The following KBTBD11 variants were observed in gnomAD, a reference collection of about 807,000 sequenced individuals.
KBTBD11 encodes kelch repeat and BTB domain containing 11, also known as kelch repeat and BTB domain-containing protein 11.
For missense variants in KBTBD11, 1,390 were observed against 1,001.8 expected (o/e 1.39, Z -5.23); for synonymous variants, 747 against 499.0 (o/e 1.50, Z -6.63).
intron 1 of KBTBD11, among the ~76,000 whole-genome samples, chr8:1,987,276 G>A (rs577584685): frequency 1.4e-4 from 21 of 152,206 alleles, no homozygotes; most frequent in East Asian, 7.7e-4. Context: ...CAAAGCTTCC[G>A]AAATTCAAAA....
Position 1,987,007 on chromosome 8 carries a change from C to CAAAAA in KBTBD11, c.-909+13094_-909+13098dup, listed in dbSNP as rs59934216. 2.3e-4 allele frequency among the ~76,000 whole-genome samples: 14 copies of CAAAAA among 62,034 alleles called. 2 individuals carry two copies. Among genetic ancestry groups the CAAAAA allele is most frequent in the African/African-American group, 1.3e-3 (14 of 10,546 alleles). 40.7% of individuals were successfully genotyped at this position (62,034 alleles called of 152,430 possible). On this transcript the variant is annotated intron_variant, in intron 1 of 1. Coordinates refer to ENST00000320248, the MANE Select transcript of KBTBD11 (RefSeq NM_014867.3). ...GCAACATAGTGAGACCCTATCTCTC[C>CAAAAA]AAAAAAAAAAAAAAAAAAAAAAAAA...
chr8:1,991,717 C>T (rs1035541739), intron 1 of KBTBD11, among the ~76,000 whole-genome samples: 2 of 152,014 alleles, frequency 1.3e-5, no homozygotes, highest in Admixed American at 6.5e-5. Flanking sequence ...TCCTGCACTG[C>T]CCTGAGGGAA....
chr8:2,003,206 G>C lies in KBTBD11; in HGVS notation c.*142G>C. ...GACACTTCGAAGGAGCCCCGAGGAC[G>C]CTCTCAGGGCCGCTTTCGCTTTGCT... is the stretch of plus-strand genomic sequence containing the variant. On this transcript the variant is annotated 3_prime_UTR_variant, in exon 2 of 2. Transcript: ENST00000320248. 8.4e-7 allele frequency: 1 copy of C among 1,192,834 alleles called. No homozygotes were observed. Among genetic ancestry groups the C allele is most frequent in the Non-Finnish European group, 1.1e-6 (1 of 940,408 alleles). 73.9% of individuals were successfully genotyped at this position (1,192,834 alleles called of 1,614,324 possible). A position where few individuals can be genotyped will look rare whatever the true frequency, so the allele number is the denominator to read the frequency against.
Position 2,000,978 on chromosome 8 carries a change from C to T in KBTBD11, c.-215C>T. 1 of 517,012 alleles carries T rather than the reference C, an allele frequency of 1.9e-6. No homozygotes were observed. The highest frequency in any genetic ancestry group is 3.0e-6 in the Non-Finnish European group (1 of 335,560). 32.0% of individuals were successfully genotyped at this position (517,012 alleles called of 1,614,324 possible). ...AGCAAGTCGGACACACCCCTCCTCG[C>T]TGGAGAGGAGAGGGCAAAGGCGAGG... On this transcript the variant is annotated 5_prime_UTR_variant, in exon 2 of 2. Transcript: ENST00000320248.
In KBTBD11 at chr8:2,002,327, T is replaced by C; in HGVS notation, c.1135T>C (p.Ser379Pro). 1.4e-6 allele frequency: 2 copies of C among 1,389,146 alleles called. No homozygotes were observed. The highest frequency in any genetic ancestry group is 3.1e-5 in the Admixed American group (1 of 32,566). 86.1% of individuals were successfully genotyped at this position (1,389,146 alleles called of 1,614,324 possible). ...GGGCCCCGACGGCCGCGCGCGCCCGTCCGACCAGGTCTTCTGCTACAACCC... is the reference window on the plus strand; with the variant it reads ...GGGCCCCGACGGCCGCGCGCGCCCGCCCGACCAGGTCTTCTGCTACAACCC... ...PAGPDGRARP[S>P]DQVFCYNPAT... Residue 379 changes from serine to proline, a missense_variant, in exon 2 of 2, where the codon TCC becomes CCC. Ser to Pro is a moderately conservative substitution (Grantham distance 74). Coordinates refer to ENST00000320248, the MANE Select transcript of KBTBD11 (RefSeq NM_014867.3). The surrounding 1 kb of genome is among the most constrained non-coding windows in gnomAD (Gnocchi z 4.1).
intron 1 of KBTBD11, among the ~76,000 whole-genome samples, chr8:1,981,621 C>G (rs1218970467): frequency 6.6e-6 from 1 of 152,126 alleles, no homozygotes; most frequent in Non-Finnish European, 1.5e-5. Context: ...GAAGATTTGC[C>G]CTCAGTACCG....
Position 2,001,686 on chromosome 8 carries a change from T to G in KBTBD11, c.494T>G (p.Phe165Cys). ...KAVLAARSDYFRARASRDVLR... is the reference protein window; with the variant it reads ...KAVLAARSDYCRARASRDVLR... Reference sequence around the variant, plus strand: ...GTGCTGGCGGCGCGCAGCGACTACTTCCGCGCGCGCGCGTCGCGGGACGTG... The same window carrying G: ...GTGCTGGCGGCGCGCAGCGACTACTGCCGCGCGCGCGCGTCGCGGGACGTG... The change falls in exon 2 of 2, where the codon TTC becomes TGC. Residue 165 changes from phenylalanine (F) to cysteine (C), a missense_variant. Coordinates refer to ENST00000320248, the MANE Select transcript of KBTBD11 (RefSeq NM_014867.3). The G allele has an allele frequency of 6.9e-7, 1 of 1,442,694 alleles. No individual in the cohort carries two copies. The highest frequency in any genetic ancestry group is 9.1e-7 in the Non-Finnish European group (1 of 1,103,234). The allele number at this position is 1,442,694 out of a possible 1,614,324, so 89.4% of individuals were successfully genotyped here.
At chr8:1,987,390 C>G (rs1563367404) in intron 1 of KBTBD11, among the ~76,000 whole-genome samples, 1 of 152,138 alleles carries the variant, frequency 6.6e-6, no homozygotes, top group Non-Finnish European at 1.5e-5. Context: ...CTCAATCAAT[C>G]CTTTTTTGTA....
chr8:1,988,680 C>T (rs1816778921), intron 1 of KBTBD11, among the ~76,000 whole-genome samples: 2 of 152,142 alleles, frequency 1.3e-5, no homozygotes, highest in Admixed American at 1.3e-4. Context: ...TTCCTGAATC[C>T]ATTCAAACGT....
In KBTBD11 at chr8:2,001,926, G is replaced by T. The variant is rs565479671; in HGVS notation, c.734G>T (p.Arg245Leu). The T allele has an allele frequency of 3.8e-4, 563 of 1,463,788 alleles. 11 individuals are homozygous for T. The South Asian group carries it at 6.5e-3, about 17-fold the overall frequency. The allele number at this position is 1,463,788 out of a possible 1,614,324, so 90.7% of individuals were successfully genotyped here. A position where few individuals can be genotyped will look rare whatever the true frequency, so the allele number is the denominator to read the frequency against. The change falls in exon 2 of 2, where the codon CGG (arginine) becomes CTG (leucine). Residue 245 changes from arginine to leucine, a missense_variant. Physicochemically the swap from Arg to Leu is moderately radical, Grantham distance 102. Coordinates refer to ENST00000320248, the MANE Select transcript of KBTBD11 (RefSeq NM_014867.3). Reference protein sequence around the residue: ...NCYEVLSAAKRQRLNELRDAA... With the variant: ...NCYEVLSAAKLQRLNELRDAA... The stretch of plus-strand genomic sequence containing the variant: ...TACGAGGTCCTGAGCGCGGCCAAGC[G>T]GCAGCGGCTGAACGAGCTGCGCGAC...
At chr8:1,996,762 C>A (rs1267790561) in intron 1 of KBTBD11, among the ~76,000 whole-genome samples, 2 of 151,994 alleles carry the variant, frequency 1.3e-5, no homozygotes, top group Non-Finnish European at 2.9e-5. Context: ...TATATAATGT[C>A]CACATTGGGA....
intron 1 of KBTBD11, among the ~76,000 whole-genome samples, chr8:1,991,454 C>G (rs533962681): frequency 1.3e-5 from 2 of 152,246 alleles, no homozygotes; most frequent in Non-Finnish European, 2.9e-5. Flanking sequence ...GTCTCACTCT[C>G]CTGTCCTCTT....
At chr8:1,989,491 A>G (rs929841667) in intron 1 of KBTBD11, among the ~76,000 whole-genome samples, 1 of 152,188 alleles carries the variant, frequency 6.6e-6, no homozygotes, top group African/African-American at 2.4e-5. Context: ...ACTTTCAAGT[A>G]TGGTCCATGC....
Position 2,003,184 on chromosome 8 carries a change from A to T in KBTBD11, c.*120A>T. On this transcript the variant is annotated 3_prime_UTR_variant, in exon 2 of 2. Coordinates refer to ENST00000320248, the MANE Select transcript of KBTBD11 (RefSeq NM_014867.3). ...CGCTGGCCACGCTGGTGGTTTGGAC[A>T]CTTCGAAGGAGCCCCGAGGACGCTC... 1 of 1,236,568 alleles carries T rather than the reference A, an allele frequency of 8.1e-7. No homozygotes were observed. Among genetic ancestry groups the T allele is most frequent in the East Asian group, 3.2e-5 (1 of 31,402 alleles). 76.6% of individuals were successfully genotyped at this position (1,236,568 alleles called of 1,614,324 possible).
At chr8:1,986,549 GTTTT>G (rs1816711413) in intron 1 of KBTBD11, among the ~76,000 whole-genome samples, 1 of 152,094 alleles carries the variant, frequency 6.6e-6, no homozygotes, top group Non-Finnish European at 1.5e-5. Flanking sequence ...CAAAACACGA[GTTTT>G]TATTTAGATT....
chr8:1,980,049 T>A (rs1019532499), intron 1 of KBTBD11, among the ~76,000 whole-genome samples: 2 of 152,210 alleles, frequency 1.3e-5, no homozygotes, highest in African/African-American at 4.8e-5. Flanking sequence ...TCTGTACAAT[T>A]ACCTGAAAGT....
At chr8:1,974,207 G>A (rs1816235674) in intron 1 of KBTBD11, 1 of 842,040 alleles carries the variant, frequency 1.2e-6, no homozygotes, top group South Asian at 5.4e-5. Flanking sequence ...GGTGGTCTCC[G>A]CTCCGCCTCC....
chr8:2,001,582 C>T lies in KBTBD11; in HGVS notation c.390C>T (p.Pro130=). 1.4e-6 allele frequency: 2 copies of T among 1,452,620 alleles called. No homozygotes were observed. The highest frequency in any genetic ancestry group is 1.8e-6 in the Non-Finnish European group (2 of 1,108,338). 90.0% of individuals were successfully genotyped at this position (1,452,620 alleles called of 1,614,324 possible). A position where few individuals can be genotyped will look rare whatever the true frequency, so the allele number is the denominator to read the frequency against. Residue 130 remains proline (P), a synonymous_variant, in exon 2 of 2, where the codon CCC becomes CCT. Transcript: ENST00000320248. ...PEEPGEPAPV[P]PGFGAVYGEP... is the part of the protein sequence containing the mutation. The stretch of plus-strand genomic sequence containing the variant: ...AGCCCGGGGAGCCCGCGCCCGTACC[C>T]CCGGGGTTCGGGGCGGTGTACGGGG...
At position 2,003,331 on chromosome 8, in the gene KBTBD11, A is replaced by T; in HGVS notation, c.*267A>T. ...GACAGGACACAGAGAAGGCTGTGGGATCCAAAGGGTCAGCCTCAGGGTACA... is the reference window on the plus strand; with the variant it reads ...GACAGGACACAGAGAAGGCTGTGGGTTCCAAAGGGTCAGCCTCAGGGTACA... On this transcript the variant is annotated 3_prime_UTR_variant, in exon 2 of 2. Transcript: ENST00000320248. 2.5e-6 allele frequency: 1 copy of T among 393,498 alleles called. No individual in the cohort carries two copies. The highest frequency in any genetic ancestry group is 5.0e-5 in the Admixed American group (1 of 19,984). The allele number at this position is 393,498 out of a possible 1,614,324, so 24.4% of individuals were successfully genotyped here.
Sources: allele counts gnomAD v4.1 joint callset (sites outside exome capture counted in the v4.1 genomes callset), GRCh38; gene constraint gnomAD v4.1.1; non-coding constraint Gnocchi (gnomAD v3.1); transcripts MANE v1.5; gene names NCBI Gene and HGNC (gene_info 2026-07-23, HGNC 2026-07-21).